ASXL1: variants seen among roughly 807,000 people sequenced by gnomAD.
The protein encoded by ASXL1 is ASXL transcriptional regulator 1.
In ASXL1, 65 loss-of-function variants were observed where a neutral mutation model predicts 89.1. That is an observed-to-expected ratio of 0.73 (90% confidence interval 0.60 to 0.90). The LOEUF is 0.90. ASXL1 is among the 40% of genes least tolerant of loss of function. The pLI is 0.00. For synonymous variants in ASXL1, 739 were observed against 746.9 expected, an observed-to-expected ratio of 0.99 and a Z score of 0.17; for missense variants, 1,786 against 1,942.9, an observed-to-expected ratio of 0.92 and a Z score of 1.52.
chr20:32,378,992 TG>T (rs1255403840), intron 4 of ASXL1, among the ~76,000 whole-genome samples: 1 of 150,174 alleles, frequency 6.7e-6, no homozygotes, highest in East Asian at 2.0e-4. Flanking sequence ...CCTAGCCAGG[TG>T]TGGTGGTGAA....
In ASXL1 at chr20:32,437,308, G is replaced by A. The variant is rs761867052; in HGVS notation, c.4596G>A (p.Lys1532=). The A allele has an allele frequency of 6.2e-7, 1 of 1,614,120 alleles. No individual in the cohort carries two copies. Among genetic ancestry groups the A allele is most frequent in the Admixed American group, 1.7e-5 (1 of 60,026 alleles). The part of the protein sequence containing the change: ...FCHDDCIGPS[K]LCVLCLVVR ...ACGATGACTGTATTGGACCCTCAAA[G>A]CTCTGTGTATTGTGCCTTGTGGTGA... is the stretch of plus-strand genomic sequence containing the variant. The change falls in exon 13 of 13, where the codon AAG becomes AAA. Residue 1532 remains lysine, a synonymous_variant. Coordinates refer to ENST00000375687, the MANE Select transcript of ASXL1 (RefSeq NM_015338.6).
chr20:32,429,416 G>A lies in ASXL1; in HGVS notation c.550G>A (p.Val184Met), dbSNP rs140731196. The A allele has an allele frequency of 2.2e-5, 35 of 1,614,060 alleles. No homozygotes were observed. The East Asian group carries it at 2.7e-4, about 12-fold the overall frequency. The stretch of plus-strand genomic sequence containing the variant: ...TCCTCTGAAGGTAAACGGGGCCCAC[G>A]TGGAATCTGCATCAGGTATGTGTAA... ...LTPLKVNGAH[V>M]ESASGFSGCH... Residue 184 changes from valine to methionine, a missense_variant, in exon 7 of 13, where the codon GTG becomes ATG. Val to Met is a conservative substitution (Grantham distance 21). Coordinates refer to ENST00000375687, the MANE Select transcript of ASXL1 (RefSeq NM_015338.6). This position sits in a 1 kb window ranked among gnomAD's most constrained non-coding sequence, Gnocchi z 4.9.
At chr20:32,372,968 A>T (rs2122861348) in intron 4 of ASXL1, among the ~76,000 whole-genome samples, 2 of 147,272 alleles carry the variant, frequency 1.4e-5, no homozygotes, top group Middle Eastern at 3.6e-3. Flanking sequence ...TGGTAGAGAC[A>T]GTCTCGCTTT....
At position 32,369,105 on chromosome 20, in the gene ASXL1, C is replaced by T; in HGVS notation, c.234C>T (p.Ile78=). The change falls in exon 4 of 13, where the codon ATC becomes ATT. Residue 78 remains isoleucine, a synonymous_variant. Transcript: ENST00000375687. The part of the protein sequence containing the change: ...EGLFYKLPGR[I]SLFTLKKDAL... ...TGTTTTATAAACTGCCTGGCCGAAT[C>T]AGCCTTTTCACGCTCAAGGTAAGTG... 5.0e-6 allele frequency: 8 copies of T among 1,611,720 alleles called. No individual in the cohort carries two copies. The highest frequency in any genetic ancestry group is 1.3e-5 in the African/African-American group (1 of 74,978).
At chr20:32,369,741 T>TTTTTTTA (rs869244300) in intron 4 of ASXL1, among the ~76,000 whole-genome samples, 2 of 117,956 alleles carry the variant, frequency 1.7e-5, no homozygotes, top group African/African-American at 5.8e-5. Flanking sequence ...TTTTTTTTTT[T>TTTTTTTA]ATTCTGAGAT....
chr20:32,392,495 T>C (rs948166966), intron 4 of ASXL1, among the ~76,000 whole-genome samples: 2 of 149,430 alleles, frequency 1.3e-5, no homozygotes, highest in Non-Finnish European at 3.0e-5. Context: ...TTGGCCAGGC[T>C]GATCTTGAAC....
Position 32,437,128 on chromosome 20 carries a change from G to A in ASXL1, c.4416G>A (p.Val1472=), listed in dbSNP as rs1020907529. Residue 1472 remains valine (V), a synonymous_variant, in exon 13 of 13, where the codon GTG becomes GTA. Coordinates refer to ENST00000375687, the MANE Select transcript of ASXL1 (RefSeq NM_015338.6). ...TFPKGLAGSV[V]QLSHKANFGA... ...CCAAAGGCCTTGCTGGAAGTGTGGT[G>A]CAGCTGAGCCACAAAGCAAACTTTG... is the stretch of plus-strand genomic sequence containing the variant. The A allele has an allele frequency of 6.2e-7, 1 of 1,614,138 alleles. No individual in the cohort carries two copies. Among genetic ancestry groups the A allele is most frequent in the East Asian group, 2.2e-5 (1 of 44,880 alleles).
intron 4 of ASXL1, among the ~76,000 whole-genome samples, chr20:32,397,540 C>T (rs1426156028): frequency 6.6e-6 from 1 of 151,158 alleles, no homozygotes; most frequent in Non-Finnish European, 1.5e-5. Context: ...GCTGGGATTA[C>T]AGGTGTGTGC....
intron 1 of ASXL1, chr20:32,359,485 T>C: frequency 3.0e-6 from 2 of 667,176 alleles, no homozygotes; most frequent in Non-Finnish European, 5.4e-6. Flanking sequence ...GGGTCTGGGA[T>C]AGAGCCTGGG....
chr20:32,411,097 ATTTT>A (rs1211781825), intron 4 of ASXL1, among the ~76,000 whole-genome samples: 1 of 124,480 alleles, frequency 8.0e-6, no homozygotes, highest in Non-Finnish European at 1.7e-5. Context: ...TCAAGTGGTG[ATTTT>A]TTTTTTTTTT....
chr20:32,431,430 A>C lies in ASXL1; in HGVS notation c.828A>C (p.Leu276Phe). 6.2e-7 allele frequency: 1 copy of C among 1,614,160 alleles called. No individual in the cohort carries two copies. The highest frequency in any genetic ancestry group is 8.5e-7 in the Non-Finnish European group (1 of 1,180,020). ...TCAACTCTCGGACCTTCCATGCCTT[A>C]CCATCACACTTCCAGCAGCAGCTCC... Reference protein sequence around the residue: ...ALINSRTFHALPSHFQQQLLF... With the variant: ...ALINSRTFHAFPSHFQQQLLF... Residue 276 changes from leucine (L) to phenylalanine (F), a missense_variant, in exon 9 of 13, where the codon TTA becomes TTC. This residue lies in a region of ASXL1 where 332 missense variants were observed against 449.7 expected (regional missense o/e 0.74). Transcript: ENST00000375687.
chr20:32,390,681 CT>C (rs1363814802), intron 4 of ASXL1, among the ~76,000 whole-genome samples: 2 of 152,102 alleles, frequency 1.3e-5, no homozygotes, highest in African/African-American at 4.8e-5. Context: ...ATCCCAGAAA[CT>C]TTCCCTGTAT....
Position 32,401,561 on chromosome 20 carries a change from C to CTT in ASXL1, c.253-26557_253-26556dup, listed in dbSNP as rs71336575. On this transcript the variant is annotated intron_variant, in intron 4 of 12. Transcript: ENST00000375687. ...GTGTGTGTGTTTTTTCCCCCCCCCC[C>CTT]TTTTTTTTTTTGAGACGGAGTCTCA... Among the ~76,000 whole-genome samples, 194 of 137,912 alleles carry CTT rather than the reference C, an allele frequency of 1.4e-3. 3 individuals are homozygous for CTT. Among genetic ancestry groups the CTT allele is most frequent in the African/African-American group, 5.0e-3 (172 of 34,718 alleles). The allele number at this position is 137,912 out of a possible 152,430, so 90.5% of individuals were successfully genotyped here. A position where few individuals can be genotyped will look rare whatever the true frequency, so the allele number is the denominator to read the frequency against.
intron 4 of ASXL1, chr20:32,427,130 T>C (rs1418123216): frequency 6.6e-6 from 1 of 152,198 alleles, no homozygotes; most frequent in Admixed American, 6.5e-5. Flanking sequence ...CCACACTCTT[T>C]GTAGTTTTGA....
At chr20:32,373,288 A>G (rs947048639) in intron 4 of ASXL1, among the ~76,000 whole-genome samples, 19 of 151,978 alleles carry the variant, frequency 1.3e-4, no homozygotes, top group African/African-American at 4.6e-4. Flanking sequence ...GAGGCAGGAG[A>G]ATCACTTTAA....
rs184415245 is a variant in ASXL1 at position 32,359,746 on chromosome 20, G to C, written c.57+914G>C. 54 of 718,160 alleles carry C rather than the reference G, an allele frequency of 7.5e-5. No individual in the cohort carries two copies. The East Asian group carries it at 1.4e-3, about 19-fold the overall frequency. 44.5% of individuals were successfully genotyped at this position (718,160 alleles called of 1,614,324 possible). A position where few individuals can be genotyped will look rare whatever the true frequency, so the allele number is the denominator to read the frequency against. On this transcript the variant is annotated intron_variant, in intron 1 of 12. Transcript: ENST00000375687. ...GTGTTTGAAGCCGTCTCGTTCAACC[G>C]ATGGGGGTTGTGAATTTTGTGTTCA...
In ASXL1 at chr20:32,435,205, TGACA is replaced by T. The variant is rs1569331922; in HGVS notation, c.2495_2498del (p.Asp832ValfsTer5). On this transcript the variant is annotated frameshift_variant, in exon 13 of 13. Coordinates refer to ENST00000375687, the MANE Select transcript of ASXL1 (RefSeq NM_015338.6). LOFTEE classifies it low-confidence loss of function (END_TRUNC). ...TAGAGAAAGGAACTGGCCAAGCTCT[TGACA>T]GTCATCCCACTATGAAGGATCCTGT... 6.2e-7 allele frequency: 1 copy of T among 1,614,008 alleles called. No individual in the cohort carries two copies. The highest frequency in any genetic ancestry group is 8.5e-7 in the Non-Finnish European group (1 of 1,180,028).
intron 4 of ASXL1, among the ~76,000 whole-genome samples, chr20:32,375,644 AGTT>A (rs1251239238): frequency 6.6e-6 from 1 of 151,382 alleles, no homozygotes; most frequent in African/African-American, 2.4e-5. Context: ...AATCCAGACT[AGTT>A]GTTGTATAGA....
chr20:32,365,056 A>G (rs1040317858), intron 1 of ASXL1, among the ~76,000 whole-genome samples: 3 of 152,240 alleles, frequency 2.0e-5, no homozygotes, highest in Admixed American at 1.3e-4. Flanking sequence ...TAGGGAATAC[A>G]GGAAGAAGAG....
Sources: gnomAD v4.1 joint callset for allele counts (sites outside exome capture counted in the v4.1 genomes callset) on GRCh38, gnomAD v4.1.1 for gene constraint, gnomAD v4.1.1 regional missense constraint, Gnocchi (gnomAD v3.1) non-coding constraint, MANE v1.5 for transcripts, NCBI Gene and HGNC (gene_info 2026-07-23, HGNC 2026-07-21) for gene names.